Variants in LARGE1 observed in about 807,000 individuals in gnomAD.
LARGE1 encodes the protein LARGE xylosyl- and glucuronyltransferase 1, also known as xylosyl- and glucuronyltransferase LARGE1.
A neutral mutation model predicts 87.6 loss-of-function variants in LARGE1; 43 were observed. The observed-to-expected ratio is 0.49, with a 90% CI of 0.38 to 0.63. LARGE1 has a LOEUF of 0.63. Among genes scored for constraint, LARGE1 ranks in the 30% least tolerant of loss-of-function variants. The probability of loss-of-function intolerance (pLI) is 0.00; values close to 1 mark genes in which losing one functional copy is unlikely to be tolerated. For missense variants in LARGE1, 802 were observed against 1,000.2 expected (o/e 0.80, Z 2.67); for synonymous variants, 434 against 394.6 (o/e 1.10, Z -1.18).
chr22:33,114,202 A>G, the LARGE1 span, among the ~76,000 whole-genome samples: 1 of 152,146 alleles, frequency 6.6e-6, no homozygotes, highest in Admixed American at 6.6e-5. Context: ...AATAGTGACA[A>G]TGGGCTGTTG....
chr22:33,780,456 A>C (rs1225873023), intron 1 of LARGE1, among the ~76,000 whole-genome samples: 2 of 152,116 alleles, frequency 1.3e-5, no homozygotes, highest in Non-Finnish European at 2.9e-5. Flanking sequence ...AGTGGGGCTC[A>C]CTCCAGGCAG....
intron 5 of LARGE1, among the ~76,000 whole-genome samples, chr22:33,594,768 G>A (rs766411837): frequency 1.1e-4 from 16 of 152,066 alleles, no homozygotes; most frequent in African/African-American, 2.4e-4. Flanking sequence ...CACCATGCCC[G>A]GCTAATTTTT....
At chr22:33,920,496 C>G (rs1426930499), upstream of LARGE1, 1 of 145,182 alleles carries the variant, frequency 6.9e-6, no homozygotes, top group Non-Finnish European at 1.5e-5. Flanking sequence ...GGGCGCCGAA[C>G]GCGGCGGCGC....
intron 6 of LARGE1, among the ~76,000 whole-genome samples, chr22:33,501,460 G>A (rs1427506584): frequency 2.0e-5 from 3 of 152,164 alleles, no homozygotes; most frequent in Non-Finnish European, 4.4e-5. Context: ...ACAGGGGAGA[G>A]GAGGATGGAG....
At chr22:33,325,360 T>C (rs1013469736) in intron 10 of LARGE1, among the ~76,000 whole-genome samples, 7 of 152,264 alleles carry the variant, frequency 4.6e-5, no homozygotes, top group African/African-American at 1.7e-4. Context: ...GGAAAGGCTC[T>C]GGCTAGTACA....
chr22:33,278,562 C>G (rs890663653), intron 13 of LARGE1, among the ~76,000 whole-genome samples: 5 of 146,700 alleles, frequency 3.4e-5, no homozygotes, highest in South Asian at 2.1e-4. Flanking sequence ...CTCACACACA[C>G]ACACACACAC....
At chr22:33,698,343 C>A (rs2082313814) in intron 2 of LARGE1, among the ~76,000 whole-genome samples, 2 of 144,530 alleles carry the variant, frequency 1.4e-5, no homozygotes, top group African/African-American at 5.2e-5. Context: ...CTCAGTCACC[C>A]AGGCTGGAGT....
rs1437174392 is a variant in LARGE1 at position 33,463,342 on chromosome 22, C to T, written c.788-31077G>A. 2.0e-5 allele frequency among the ~76,000 whole-genome samples: 3 copies of T among 151,762 alleles called. No individual in the cohort carries two copies. In the East Asian group the frequency reaches 5.8e-4, roughly 29 times the overall value. On this transcript the variant is annotated intron_variant, in intron 6 of 14. Coordinates refer to ENST00000397394, the MANE Select transcript of LARGE1 (RefSeq NM_133642.5). The stretch of plus-strand genomic sequence containing the variant: ...ATTTGTATTCAAAATAGACAAAAAA[C>T]ACATTACTAGAAGTACTCTTTACAT...
intron 5 of LARGE1, among the ~76,000 whole-genome samples, chr22:33,591,732 G>A (rs939710423): frequency 6.6e-6 from 1 of 150,832 alleles, no homozygotes; most frequent in Admixed American, 6.6e-5. Context: ...TCTCTGCCAG[G>A]CATGGTGGCT....
At chr22:33,641,439 A>G (rs2080430014) in intron 3 of LARGE1, among the ~76,000 whole-genome samples, 1 of 152,188 alleles carries the variant, frequency 6.6e-6, no homozygotes, top group Non-Finnish European at 1.5e-5. Context: ...CACTGCAAAA[A>G]TGCTGAAAAT....
chr22:33,569,900 A>C (rs1269479699), intron 5 of LARGE1, among the ~76,000 whole-genome samples: 1 of 152,210 alleles, frequency 6.6e-6, no homozygotes, highest in Admixed American at 6.5e-5. Flanking sequence ...ATTATTCAAA[A>C]ACTGTTTGAT....
At chr22:33,241,236 T>A (rs1038669205) in intron 11 of LARGE1, among the ~76,000 whole-genome samples, 92 of 152,284 alleles carry the variant, frequency 6.0e-4, no homozygotes, top group African/African-American at 2.1e-3. Context: ...CTCTCACATC[T>A]GGACCTGAGC....
At chr22:33,216,983 T>A (rs1925236661) in intron 11 of LARGE1, among the ~76,000 whole-genome samples, 1 of 152,176 alleles carries the variant, frequency 6.6e-6, no homozygotes, top group Admixed American at 6.5e-5. Flanking sequence ...CATTTCACCC[T>A]TCTAAGATTG....
chr22:33,554,471 C>G (rs1448388221), intron 6 of LARGE1, among the ~76,000 whole-genome samples: 1 of 152,126 alleles, frequency 6.6e-6, no homozygotes, highest in Non-Finnish European at 1.5e-5. Flanking sequence ...GGCCCCGACC[C>G]TTCTTGTAAG....
chr22:33,177,432 A>C (rs1922935464), intron 11 of LARGE1, among the ~76,000 whole-genome samples: 1 of 152,222 alleles, frequency 6.6e-6, no homozygotes, highest in Non-Finnish European at 1.5e-5. Flanking sequence ...CATGCATGGC[A>C]TATCAGTTCA....
At chr22:33,326,295 G>C (rs1246254813) in intron 10 of LARGE1, among the ~76,000 whole-genome samples, 1 of 152,138 alleles carries the variant, frequency 6.6e-6, no homozygotes, top group Non-Finnish European at 1.5e-5. Context: ...ACAATTCATA[G>C]GCTCTTATTT....
At chr22:33,665,400 C>G (rs1382716702) in intron 2 of LARGE1, among the ~76,000 whole-genome samples, 2 of 152,292 alleles carry the variant, frequency 1.3e-5, no homozygotes, top group South Asian at 2.1e-4. Context: ...ACTCAAAAGA[C>G]ACATCTTGAT....
intron 1 of LARGE1, among the ~76,000 whole-genome samples, chr22:33,779,310 A>G (rs77010958): frequency 0.083 from 12,612 of 152,162 alleles, 627 homozygotes; most frequent in South Asian, 0.22. Flanking sequence ...TTTGTCTATC[A>G]TTATTCCACC....
intron 11 of LARGE1, among the ~76,000 whole-genome samples, chr22:33,175,845 A>C (rs903215870): frequency 2.0e-5 from 3 of 152,212 alleles, no homozygotes; most frequent in Non-Finnish European, 2.9e-5. Context: ...CGCATTACCA[A>C]GACAATCCTA....
Sources: gnomAD v4.1 joint callset for allele counts (sites outside exome capture counted in the v4.1 genomes callset) on GRCh38, gnomAD v4.1.1 for gene constraint, MANE v1.5 for transcripts, NCBI Gene and HGNC (gene_info 2026-07-23, HGNC 2026-07-21) for gene names.